NRXN3: variants seen among roughly 807,000 people sequenced by gnomAD.
NRXN3 encodes the protein neurexin III.
In NRXN3, 32 loss-of-function variants were observed where a neutral mutation model predicts 137.6. The observed-to-expected ratio is 0.23, with a 90% CI of 0.18 to 0.31. The LOEUF is 0.31. Among genes scored for constraint, NRXN3 ranks in the 10% least tolerant of loss-of-function variants. The probability of loss-of-function intolerance (pLI) is 1.00; values close to 1 mark genes in which losing one functional copy is unlikely to be tolerated. For missense variants in NRXN3, 1,574 were observed against 2,062.5 expected (o/e 0.76, Z 4.59); for synonymous variants, 798 against 784.5 (o/e 1.02, Z -0.29).
rs544150376 is a variant in NRXN3 at position 79,216,477 on chromosome 14, A to G, written c.3262+228336A>G. On this transcript the variant is annotated intron_variant, in intron 15 of 20. Transcript: ENST00000335750. ...GCAGGAGAGTCAAGGTCACATTGCA[A>G]AAGAGCGTGTTGGATGGAAGATGTT... 1.0e-3 allele frequency among the ~76,000 whole-genome samples: 156 copies of G among 152,330 alleles called. 1 individual carries two copies. Among genetic ancestry groups the G allele is most frequent in the Non-Finnish European group, 1.9e-3 (128 of 68,026 alleles).
intron 17 of NRXN3, among the ~76,000 whole-genome samples, chr14:79,670,356 G>T (rs2098600204): frequency 6.6e-6 from 1 of 152,174 alleles, no homozygotes; most frequent in African/African-American, 2.4e-5. Flanking sequence ...GATTAAGCAT[G>T]AGGGTTTTGG....
chr14:79,431,924 A>G (rs1226368229), intron 15 of NRXN3, among the ~76,000 whole-genome samples: 2 of 152,124 alleles, frequency 1.3e-5, no homozygotes, highest in African/African-American at 4.8e-5. Flanking sequence ...TATCCTTTAC[A>G]TGACAGTAGC....
intron 15 of NRXN3, among the ~76,000 whole-genome samples, chr14:79,320,266 T>A (rs1438218654): frequency 6.6e-6 from 1 of 152,176 alleles, no homozygotes; most frequent in African/African-American, 2.4e-5. Flanking sequence ...TATCCACGAA[T>A]AAATACACAA....
At chr14:79,745,346 G>A (rs896718849) in intron 19 of NRXN3, among the ~76,000 whole-genome samples, 14 of 152,042 alleles carry the variant, frequency 9.2e-5, no homozygotes, top group African/African-American at 3.4e-4. Flanking sequence ...CTTCTTCTAC[G>A]TCATTTCCTT....
At chr14:78,325,439 G>A (rs938272636) in intron 4 of NRXN3, among the ~76,000 whole-genome samples, 2 of 152,144 alleles carry the variant, frequency 1.3e-5, no homozygotes, top group Non-Finnish European at 2.9e-5. Flanking sequence ...TCTGTAAAAT[G>A]GGAGAATAAT....
chr14:78,180,420 AGCTGCC>A (rs1454150780), intron 1 of NRXN3, among the ~76,000 whole-genome samples: 1 of 152,230 alleles, frequency 6.6e-6, no homozygotes, highest in Non-Finnish European at 1.5e-5. Context: ...AGATTGGCTG[AGCTGCC>A]GCTGCATTAA....
At chr14:79,380,516 A>G (rs2094441738) in intron 15 of NRXN3, among the ~76,000 whole-genome samples, 1 of 152,086 alleles carries the variant, frequency 6.6e-6, no homozygotes, top group African/African-American at 2.4e-5. Flanking sequence ...GTCCCTACAA[A>G]GGACATGAAC....
intron 15 of NRXN3, among the ~76,000 whole-genome samples, chr14:79,431,157 C>T (rs767451207): frequency 6.6e-5 from 10 of 152,056 alleles, no homozygotes; most frequent in South Asian, 2.1e-4. Context: ...AAAAATTCTT[C>T]GTATCTTGCA....
intron 15 of NRXN3, among the ~76,000 whole-genome samples, chr14:79,241,484 G>A (rs772700046): frequency 6.6e-6 from 1 of 152,082 alleles, no homozygotes; most frequent in Non-Finnish European, 1.5e-5. Context: ...TTGTGCAGGG[G>A]AACTCCCATT....
intron 16 of NRXN3, among the ~76,000 whole-genome samples, chr14:79,509,293 G>A (rs926239791): frequency 6.6e-6 from 1 of 152,148 alleles, no homozygotes; most frequent in African/African-American, 2.4e-5. Context: ...GATCACTTGA[G>A]ATCAGGAGTT....
chr14:78,554,462 A>G (rs2096720317), intron 4 of NRXN3, among the ~76,000 whole-genome samples: 1 of 152,090 alleles, frequency 6.6e-6, no homozygotes, highest in Admixed American at 6.6e-5. Flanking sequence ...CTTCGTGGGG[A>G]CCAAATTGGC....
At chr14:79,794,417 C>A (rs1157865960) in intron 19 of NRXN3, among the ~76,000 whole-genome samples, 1 of 151,864 alleles carries the variant, frequency 6.6e-6, no homozygotes, top group African/African-American at 2.4e-5. Flanking sequence ...AAGAAGAGGT[C>A]TCCGGGTTGC....
intron 4 of NRXN3, among the ~76,000 whole-genome samples, chr14:78,442,509 A>ATAAG (rs1448165259): frequency 6.6e-6 from 1 of 152,224 alleles, no homozygotes; most frequent in African/African-American, 2.4e-5. Context: ...CTGTAAGACA[A>ATAAG]TAAGTTTCTG....
At chr14:78,573,177 T>C (rs1330157234) in intron 4 of NRXN3, among the ~76,000 whole-genome samples, 2 of 152,194 alleles carry the variant, frequency 1.3e-5, no homozygotes, top group Non-Finnish European at 2.9e-5. Flanking sequence ...CATGCAGAAC[T>C]GTGAGCCAGT....
chr14:79,282,349 C>T (rs1379497372), intron 15 of NRXN3, among the ~76,000 whole-genome samples: 1 of 152,094 alleles, frequency 6.6e-6, no homozygotes, highest in Non-Finnish European at 1.5e-5. Flanking sequence ...AAATGATCAG[C>T]AGGGAGAGGA....
intron 4 of NRXN3, among the ~76,000 whole-genome samples, chr14:78,558,947 C>T (rs2096763034): frequency 6.6e-6 from 1 of 152,168 alleles, no homozygotes; most frequent in African/African-American, 2.4e-5. Flanking sequence ...CAATGCCTGT[C>T]CTTGTAAACT....
At chr14:79,523,368 C>T (rs1420674721) in intron 16 of NRXN3, among the ~76,000 whole-genome samples, 2 of 152,062 alleles carry the variant, frequency 1.3e-5, no homozygotes, top group Non-Finnish European at 2.9e-5. Context: ...CTTGATTTTG[C>T]CATGTTTATA....
chr14:79,697,880 C>A lies in NRXN3; in HGVS notation c.3957C>A (p.Thr1319=). The change falls in exon 19 of 21, where the codon ACC becomes ACA. Residue 1319 remains threonine (T), a synonymous_variant. Transcript: ENST00000335750. The part of the protein sequence containing the change: ...PPEMSTTVME[T]TTTMATTTTR... The stretch of plus-strand genomic sequence containing the variant: ...AAATGTCTACTACTGTCATGGAAAC[C>A]ACTACTACAATGGCGACTACCACAA... 6.2e-7 allele frequency: 1 copy of A among 1,613,176 alleles called. No individual in the cohort carries two copies. The highest frequency in any genetic ancestry group is 8.5e-7 in the Non-Finnish European group (1 of 1,179,426).
Position 79,105,174 on chromosome 14 carries a change from A to G in NRXN3, c.3262+117033A>G, listed in dbSNP as rs556658678. ...ACTGGATGAAAAGAATGACTTGATC[A>G]TGGCATAGATATGCCACCATCAGAA... On this transcript the variant is annotated intron_variant, in intron 15 of 20. Coordinates refer to ENST00000335750, the MANE Select transcript of NRXN3 (RefSeq NM_001330195.2). 2.2e-3 allele frequency among the ~76,000 whole-genome samples: 330 copies of G among 152,272 alleles called. 3 individuals carry two copies. Among genetic ancestry groups the G allele is most frequent in the Non-Finnish European group, 1.2e-3 (79 of 68,006 alleles).
Sources: allele counts gnomAD v4.1 joint callset (sites outside exome capture counted in the v4.1 genomes callset), GRCh38; gene constraint gnomAD v4.1.1; transcripts MANE v1.5; gene names NCBI Gene and HGNC (gene_info 2026-07-23, HGNC 2026-07-21).